WWOX: variants seen among roughly 807,000 people sequenced by gnomAD.
WWOX encodes the protein WW domain containing oxidoreductase.
A neutral mutation model predicts 46.2 loss-of-function variants in WWOX; 69 were observed. That is an observed-to-expected ratio of 1.49 (90% CI 1.23 to 1.82). The LOEUF (loss-of-function observed/expected upper bound fraction) is 1.82, where lower values mean the gene tolerates loss of function less well. WWOX is among the 40% of genes most tolerant of loss of function. WWOX has a pLI of 0.00. For missense variants in WWOX, 919 were observed against 542.6 expected (o/e 1.69, Z -6.89); for synonymous variants, 359 against 202.6 (o/e 1.77, Z -6.56).
intron 8 of WWOX, among the ~76,000 whole-genome samples, chr16:78,648,534 A>C (rs2046896460): frequency 6.6e-6 from 1 of 152,216 alleles, no homozygotes; most frequent in Non-Finnish European, 1.5e-5. Context: ...GCTCTGGAGC[A>C]GTCAACTCAG....
At chr16:78,172,384 C>T (rs1224822700) in intron 5 of WWOX, among the ~76,000 whole-genome samples, 4 of 152,140 alleles carry the variant, frequency 2.6e-5, no homozygotes, top group Admixed American at 6.5e-5. Flanking sequence ...AGGGAAGATT[C>T]TTTATCAGAT....
At chr16:79,135,200 T>G (rs2049959821) in intron 8 of WWOX, among the ~76,000 whole-genome samples, 1 of 152,100 alleles carries the variant, frequency 6.6e-6, no homozygotes, top group Non-Finnish European at 1.5e-5. Context: ...TAGAAAAAAA[T>G]ATTTATTTTT....
chr16:78,718,181 T>C (rs1308617967), intron 8 of WWOX, among the ~76,000 whole-genome samples: 1 of 151,868 alleles, frequency 6.6e-6, no homozygotes, highest in Non-Finnish European at 1.5e-5. Context: ...CCCAAGTTAT[T>C]ATTTTTTATT....
chr16:78,507,179 A>C (rs1354472669), intron 8 of WWOX, among the ~76,000 whole-genome samples: 1 of 152,238 alleles, frequency 6.6e-6, no homozygotes, highest in African/African-American at 2.4e-5. Context: ...TCTATTGAGG[A>C]GACAGAACAT....
At chr16:79,101,885 A>C (rs893123249) in intron 8 of WWOX, 4 of 151,468 alleles carry the variant, frequency 2.6e-5, no homozygotes, top group African/African-American at 9.7e-5. Flanking sequence ...AGAGAGTGGA[A>C]GGCTTTCATG....
chr16:79,102,402 A>T (rs114302042), intron 8 of WWOX, among the ~76,000 whole-genome samples: 1 of 152,122 alleles, frequency 6.6e-6, no homozygotes, highest in African/African-American at 2.4e-5. Context: ...TTATGAATGT[A>T]TGGAATATTA....
intron 5 of WWOX, among the ~76,000 whole-genome samples, chr16:78,219,635 G>GT (rs1960169410): frequency 6.6e-6 from 1 of 152,074 alleles, no homozygotes; most frequent in African/African-American, 2.4e-5. Context: ...CGAATGAACA[G>GT]TTCTCTTTTG....
intron 8 of WWOX, among the ~76,000 whole-genome samples, chr16:78,596,295 T>C (rs1041064297): frequency 6.6e-6 from 1 of 152,246 alleles, no homozygotes; most frequent in African/African-American, 2.4e-5. Flanking sequence ...TGAGATCCTG[T>C]CTGGCTGGGT....
chr16:78,945,895 C>G (rs2045939883), intron 8 of WWOX, among the ~76,000 whole-genome samples: 1 of 152,050 alleles, frequency 6.6e-6, no homozygotes, highest in African/African-American at 2.4e-5. Flanking sequence ...CTTTAACTGC[C>G]CTTGTGACCT....
Position 78,192,876 on chromosome 16 carries a change from C to A in WWOX, c.516+28587C>A, listed in dbSNP as rs113315397. ...TGAATTTTGTGGTTAGAAATTTTCT[C>A]AGTCGATTGACAAGGATGGCGTATT... On this transcript the variant is annotated intron_variant, in intron 5 of 8. Coordinates refer to ENST00000566780, the MANE Select transcript of WWOX (RefSeq NM_016373.4). Among the ~76,000 whole-genome samples, 1,313 of 152,312 alleles carry A rather than the reference C, an allele frequency of 8.6e-3. 20 individuals are homozygous for A. Among genetic ancestry groups the A allele is most frequent in the African/African-American group, 0.03 (1,253 of 41,556 alleles).
At chr16:78,985,826 G>C (rs2046774068) in intron 8 of WWOX, among the ~76,000 whole-genome samples, 2 of 152,188 alleles carry the variant, frequency 1.3e-5, no homozygotes, top group Admixed American at 6.5e-5. Flanking sequence ...TTGCAATGCT[G>C]ACCACTCCGG....
intron 8 of WWOX, among the ~76,000 whole-genome samples, chr16:78,584,569 C>A (rs1374173359): frequency 6.6e-6 from 1 of 152,078 alleles, no homozygotes; most frequent in Non-Finnish European, 1.5e-5. Flanking sequence ...TAATATATAC[C>A]TTTTAAAGTT....
chr16:79,134,801 C>G (rs8053118), intron 8 of WWOX, among the ~76,000 whole-genome samples: 1 of 152,018 alleles, frequency 6.6e-6, no homozygotes, highest in Non-Finnish European at 1.5e-5. Context: ...CTCCAGTTGC[C>G]TGTTTCTTTT....
intron 8 of WWOX, among the ~76,000 whole-genome samples, chr16:78,469,015 T>G (rs972145459): frequency 2.0e-5 from 3 of 152,202 alleles, no homozygotes; most frequent in African/African-American, 7.2e-5. Context: ...CTTGAGTCTC[T>G]CAAAAGACAG....
At chr16:78,357,615 C>T (rs1683266212) in intron 5 of WWOX, among the ~76,000 whole-genome samples, 1 of 152,106 alleles carries the variant, frequency 6.6e-6, no homozygotes, top group Non-Finnish European at 1.5e-5. Context: ...ATTTCCATAT[C>T]ATTAATGTTC....
intron 8 of WWOX, among the ~76,000 whole-genome samples, chr16:78,617,401 C>G (rs2046052643): frequency 1.4e-5 from 1 of 69,344 alleles, no homozygotes; most frequent in Non-Finnish European, 3.4e-5. Flanking sequence ...AACCTTGTAT[C>G]CAAAAAAAAA....
intron 6 of WWOX, among the ~76,000 whole-genome samples, chr16:78,410,236 C>G (rs1567555687): frequency 6.6e-6 from 1 of 152,186 alleles, no homozygotes; most frequent in African/African-American, 2.4e-5. Flanking sequence ...TCTGCAGAAT[C>G]GGAGCCAATT....
chr16:79,119,108 C>T (rs1052888217), intron 8 of WWOX, among the ~76,000 whole-genome samples: 2 of 151,972 alleles, frequency 1.3e-5, no homozygotes, highest in African/African-American at 4.8e-5. Context: ...TGCCAAATTG[C>T]TCTCCAAAAG....
chr16:78,597,860 G>T (rs1294410195), intron 8 of WWOX, among the ~76,000 whole-genome samples: 1 of 150,828 alleles, frequency 6.6e-6, no homozygotes, highest in South Asian at 2.1e-4. Context: ...ATTTCTAGTT[G>T]TGTTTATTCC....
Sources: gnomAD v4.1 joint callset for allele counts (sites outside exome capture counted in the v4.1 genomes callset) on GRCh38, gnomAD v4.1.1 for gene constraint, MANE v1.5 for transcripts, NCBI Gene and HGNC (gene_info 2026-07-23, HGNC 2026-07-21) for gene names.